NRXN2: variants seen among roughly 807,000 people sequenced by gnomAD.
NRXN2 encodes the protein neurexin-2-beta.
NRXN2 carries 29 observed loss-of-function variants against 128.8 expected under a neutral mutation model. The ratio of observed to expected loss-of-function variants is 0.23; its 90% confidence interval spans 0.17 to 0.31. The LOEUF (loss-of-function observed/expected upper bound fraction) is 0.31. Among genes scored for constraint, NRXN2 ranks in the 10% least tolerant of loss-of-function variants. NRXN2 has a pLI of 1.00. For missense variants in NRXN2, 1,881 were observed against 2,452.6 expected (o/e 0.77, Z 4.92); for synonymous variants, 1,098 against 1,075.2 (o/e 1.02, Z -0.41).
rs2047038437 is a variant in NRXN2 at position 64,648,567 on chromosome 11, C to T, written c.3283+167G>A. Among the ~76,000 whole-genome samples the T allele has an allele frequency of 6.6e-6, 1 of 152,184 alleles. No individual in the cohort carries two copies. Among genetic ancestry groups the T allele is most frequent in the South Asian group, 2.1e-4 (1 of 4,830 alleles). On this transcript the variant is annotated intron_variant, in intron 16 of 22. Transcript: ENST00000265459. The surrounding 1 kb of genome is among the most constrained non-coding windows in gnomAD (Gnocchi z 4.1). ...TGAGACAACAGGGAGGGCAAGTGACCCTTCACACACCTGTATCCCTGCCCC... is the reference window on the plus strand; with the variant it reads ...TGAGACAACAGGGAGGGCAAGTGACTCTTCACACACCTGTATCCCTGCCCC...
chr11:64,685,569 TC>T, intron 6 of NRXN2, 76 bp downstream of exon 6: 1 of 1,587,572 alleles, frequency 6.3e-7, no homozygotes. Context: ...CACCACAAGC[TC>T]CCGGCAGCCC....
intron 2 of NRXN2, among the ~76,000 whole-genome samples, chr11:64,705,422 C>T (rs1257113375): frequency 6.6e-6 from 1 of 152,118 alleles, no homozygotes; most frequent in Non-Finnish European, 1.5e-5. Context: ...AGCAAATGCT[C>T]AATAGCTGCG....
intron 17 of NRXN2, among the ~76,000 whole-genome samples, chr11:64,645,790 C>T (rs994423601): frequency 6.6e-6 from 1 of 152,164 alleles, no homozygotes. Flanking sequence ...CCCCACCAGA[C>T]AGCTCCAACC....
intron 7 of NRXN2, among the ~76,000 whole-genome samples, chr11:64,670,861 T>A (rs373737983): frequency 6.6e-6 from 1 of 151,980 alleles, no homozygotes; most frequent in Non-Finnish European, 1.5e-5. Flanking sequence ...AGGAAGAGAA[T>A]CTCCTCTTTT....
At chr11:64,644,616 GTCGTATGCACCAACCTGC>G in intron 17 of NRXN2, among the ~76,000 whole-genome samples, 1 of 152,194 alleles carries the variant, frequency 6.6e-6, no homozygotes. Flanking sequence ...CCGTCACCGG[GTCGTATGCACCAACCTGC>G]TCGGACAGGG....
Position 64,651,122 on chromosome 11 carries a change from G to T in NRXN2, c.2918+133C>A. The T allele has an allele frequency of 8.0e-7, 1 of 1,249,606 alleles. No individual in the cohort carries two copies. Among genetic ancestry groups the T allele is most frequent in the Non-Finnish European group, 1.1e-6 (1 of 871,590 alleles). 77.4% of individuals were successfully genotyped at this position (1,249,606 alleles called of 1,614,324 possible). ...CTGAAGAGGGAGCCTCTCGACTTACGGTCGGGGACCTGAATCTTGACTTGT... is the reference window on the plus strand; with the variant it reads ...CTGAAGAGGGAGCCTCTCGACTTACTGTCGGGGACCTGAATCTTGACTTGT... On this transcript the variant is annotated intron_variant, in intron 14 of 22. Coordinates refer to ENST00000265459, the MANE Select transcript of NRXN2 (RefSeq NM_015080.4). The surrounding 1 kb of genome is among the most constrained non-coding windows in gnomAD (Gnocchi z 5.9).
rs1371381060 is a variant in NRXN2 at position 64,607,919 on chromosome 11, G to C, written c.4416C>G (p.Pro1472=). The C allele has an allele frequency of 1.9e-6, 3 of 1,558,356 alleles. No individual in the cohort carries two copies. The highest frequency in any genetic ancestry group is 4.8e-5 in the East Asian group (2 of 41,828). Residue 1472 remains proline (P), a synonymous_variant, in exon 23 of 23, where the codon CCC becomes CCG. Transcript: ENST00000265459. The part of the protein sequence containing the change: ...TLPPPAARRP[P]SGGPCQAERD... ...GCTCGGCCTGGCACGGGCCCCCAGA[G>C]GGCGGGCGGCGCGCGGCGGGCGGGG...
At chr11:64,626,684 A>C in intron 19 of NRXN2, 132 bp from the exon 20 acceptor site, 1 of 766,344 alleles carries the variant, frequency 1.3e-6, no homozygotes, top group Non-Finnish European at 2.3e-6. Flanking sequence ...AGGGAGGAAA[A>C]GAAACGCTGG....
intron 1 of NRXN2, among the ~76,000 whole-genome samples, chr11:64,715,745 T>C (rs1389837973): frequency 6.6e-6 from 1 of 152,130 alleles, no homozygotes; most frequent in Non-Finnish European, 1.5e-5. Flanking sequence ...AAGGACTGCC[T>C]CTGCCCGGGC....
intron 11 of NRXN2, among the ~76,000 whole-genome samples, chr11:64,655,122 C>T (rs533173273): frequency 6.6e-6 from 1 of 152,338 alleles, no homozygotes; most frequent in Admixed American, 6.5e-5. Context: ...ATCCCCTGGG[C>T]CCCTGAAGGT....
intron 5 of NRXN2, chr11:64,688,630 C>A: frequency 9.1e-6 from 9 of 985,362 alleles, no homozygotes; most frequent in Non-Finnish European, 1.1e-5. Flanking sequence ...CTCCCAGCAG[C>A]GCTTGCACAA....
chr11:64,607,995 G>T lies in NRXN2; in HGVS notation c.4340C>A (p.Pro1447His). ...TCCCGTGAGGAAGGGGTAGAAGGTA[G>T]GGGGCGGGGGCACGAAGGGGGATCG... ...ATRSPFVPPP[P>H]TFYPFLTGVG... The change falls in exon 23 of 23, where the codon CCT becomes CAT. Residue 1447 changes from proline to histidine, a missense_variant. Transcript: ENST00000265459. 6.5e-7 allele frequency: 1 copy of T among 1,535,836 alleles called. No individual in the cohort carries two copies.
intron 17 of NRXN2, chr11:64,642,494 C>G (rs752045516): frequency 1.3e-6 from 2 of 1,580,336 alleles, no homozygotes; most frequent in South Asian, 2.3e-5. Flanking sequence ...AAGCGCCCCC[C>G]GCCCCCGGGC....
At position 64,607,065 on chromosome 11, in the gene NRXN2, T is replaced by C. The variant is rs2039740224; in HGVS notation, c.*131A>G. 1.0e-6 allele frequency: 1 copy of C among 998,470 alleles called. No individual in the cohort carries two copies. The highest frequency in any genetic ancestry group is 1.7e-5 in the South Asian group (1 of 58,962). The allele number at this position is 998,470 out of a possible 1,614,324, so 61.9% of individuals were successfully genotyped here. ...GGGTTTTTCCTTTTCTTTTTTTGCG[T>C]TTCCTCTTCGTAAGAGAAGCCTGAG... On this transcript the variant is annotated 3_prime_UTR_variant, in exon 23 of 23. Transcript: ENST00000265459.
At position 64,630,295 on chromosome 11, in the gene NRXN2, A is replaced by T; in HGVS notation, c.3757+107T>A. 1 of 1,073,144 alleles carries T rather than the reference A, an allele frequency of 9.3e-7. No homozygotes were observed. The highest frequency in any genetic ancestry group is 1.6e-5 in the South Asian group (1 of 62,186). 66.5% of individuals were successfully genotyped at this position (1,073,144 alleles called of 1,614,324 possible). A position where few individuals can be genotyped will look rare whatever the true frequency, so the allele number is the denominator to read the frequency against. The stretch of plus-strand genomic sequence containing the variant: ...CAGTAGCCCCGCCCCAGAGCCGCTT[A>T]GCCCCGCCCCAGAGCCGCTTAGCCC... On this transcript the variant is annotated intron_variant, in intron 19 of 22. Transcript: ENST00000265459. This position sits in a 1 kb window ranked among gnomAD's most constrained non-coding sequence, Gnocchi z 4.6.
chr11:64,639,456 T>C (rs985446565), intron 17 of NRXN2, among the ~76,000 whole-genome samples: 3 of 152,236 alleles, frequency 2.0e-5, no homozygotes, highest in Non-Finnish European at 2.9e-5. Context: ...TTAGCAGGGA[T>C]TGACCACTCC....
At chr11:64,679,584 C>T (rs1331205029) in intron 6 of NRXN2, among the ~76,000 whole-genome samples, 1 of 151,968 alleles carries the variant, frequency 6.6e-6, no homozygotes, top group Non-Finnish European at 1.5e-5. Context: ...TTGCAGTGAG[C>T]CAAGATCACA....
At chr11:64,658,018 T>C (rs1029862515) in intron 11 of NRXN2, among the ~76,000 whole-genome samples, 20 of 152,250 alleles carry the variant, frequency 1.3e-4, no homozygotes, top group African/African-American at 4.8e-4. Flanking sequence ...GACAGAAAAG[T>C]GTGCCCATGG....
At chr11:64,612,386 C>T (rs1311025815) in intron 22 of NRXN2, among the ~76,000 whole-genome samples, 5 of 152,170 alleles carry the variant, frequency 3.3e-5, no homozygotes, top group South Asian at 4.1e-4. Flanking sequence ...CAGCCTCCCG[C>T]CTCTCCCCAA....
Sources: allele counts gnomAD v4.1 joint callset (sites outside exome capture counted in the v4.1 genomes callset), GRCh38; gene constraint gnomAD v4.1.1; non-coding constraint Gnocchi (gnomAD v3.1); transcripts MANE v1.5; gene names NCBI Gene and HGNC (gene_info 2026-07-23, HGNC 2026-07-21).